Variants in TAFA2 observed in about 807,000 individuals in gnomAD.
TAFA2 encodes the protein TAFA chemokine like family member 2, also known as chemokine-like protein TAFA-2.
In TAFA2, 7 loss-of-function variants were observed where a neutral mutation model predicts 18.8. That is an observed-to-expected ratio of 0.37 (90% CI 0.21 to 0.70). TAFA2 has a LOEUF of 0.70. Ranked by LOEUF, TAFA2 falls within the 30% of genes least tolerant of loss-of-function variation. The pLI, the probability that TAFA2 is intolerant of heterozygous loss-of-function variation, is 0.53. For missense variants in TAFA2, 122 were observed against 158.1 expected, an observed-to-expected ratio of 0.77 and a Z score of 1.23; for synonymous variants, 60 against 54.2, an observed-to-expected ratio of 1.11 and a Z score of -0.47.
chr12:61,795,850 A>G (rs1326210006), intron 2 of TAFA2, among the ~76,000 whole-genome samples: 1 of 152,038 alleles, frequency 6.6e-6, no homozygotes, highest in African/African-American at 2.4e-5. Flanking sequence ...TACTGACATG[A>G]AGATAGATAA....
rs1592554899 is a variant in TAFA2 at position 62,021,586 on chromosome 12, T to C, written c.-1-154160A>G. On this transcript the variant is annotated intron_variant, in intron 1 of 4. Transcript: ENST00000416284. ...ACCCTGTTACGCTGTGGGGACTGGC[T>C]GGGTGACGGCAGGCGGTTCTGGCTT... 1.4e-5 allele frequency: 12 copies of C among 885,178 alleles called. No homozygotes were observed. The East Asian group carries it at 2.7e-4, about 20-fold the overall frequency. The allele number at this position is 885,178 out of a possible 1,614,324, so 54.8% of individuals were successfully genotyped here.
intron 4 of TAFA2, among the ~76,000 whole-genome samples, chr12:61,737,765 A>G (rs914447020): frequency 2.6e-5 from 4 of 151,824 alleles, no homozygotes; most frequent in African/African-American, 9.7e-5. Context: ...TTTGCTTAAA[A>G]TTATCATTAT....
intron 1 of TAFA2, among the ~76,000 whole-genome samples, chr12:62,184,607 C>A (rs4763160): frequency 0.037 from 5,566 of 148,964 alleles, 136 homozygotes; most frequent in Non-Finnish European, 0.056. Flanking sequence ...GATCCTCCCC[C>A]CTCTCAGCCT....
chr12:61,933,737 G>A (rs906920467), intron 1 of TAFA2, among the ~76,000 whole-genome samples: 2 of 152,060 alleles, frequency 1.3e-5, no homozygotes, highest in Non-Finnish European at 2.9e-5. Flanking sequence ...TATATCTAAG[G>A]AGCAGCTGTT....
chr12:62,178,126 C>T lies in TAFA2; in HGVS notation c.-2+13133G>A, dbSNP rs1670891771. On this transcript the variant is annotated intron_variant, in intron 1 of 4. Coordinates refer to ENST00000416284, the MANE Select transcript of TAFA2 (RefSeq NM_178539.5). ...ACCAGCCTGGGCAACATAACAAGAC[C>T]CCATCTCTATAAAAAATTGAAAAAT... 2.0e-5 allele frequency among the ~76,000 whole-genome samples: 3 copies of T among 151,908 alleles called. No individual in the cohort carries two copies. The South Asian group carries it at 6.2e-4, about 32-fold the overall frequency.
rs962021251 is a variant in TAFA2, at chr12:61,710,290, T to C, written c.*116A>G. The C allele has an allele frequency of 6.5e-6, 6 of 918,650 alleles. No homozygotes were observed. Among genetic ancestry groups the C allele is most frequent in the East Asian group, 2.4e-5 (1 of 41,040 alleles). The allele number at this position is 918,650 out of a possible 1,614,324, so 56.9% of individuals were successfully genotyped here. A position where few individuals can be genotyped will look rare whatever the true frequency, so the allele number is the denominator to read the frequency against. ...CATGAAATCCCTTGGAAATAGACTA[T>C]TGAGCGCCTCTTTCAAGTGGTATAA... is the stretch of plus-strand genomic sequence containing the variant. On this transcript the variant is annotated 3_prime_UTR_variant, in exon 5 of 5. Coordinates refer to ENST00000416284, the MANE Select transcript of TAFA2 (RefSeq NM_178539.5).
intron 1 of TAFA2, among the ~76,000 whole-genome samples, chr12:62,059,157 G>GTGTGTGTGTGTGTGTGTGTGTGTGTGTA (rs1555186761): frequency 6.6e-6 from 1 of 150,486 alleles, no homozygotes; most frequent in African/African-American, 2.5e-5. Context: ...GTGTGTGTGT[G>GTGTGTGTGTGTGTGTGTGTGTGTGTGTA]TGTGTGTGTG....
intron 2 of TAFA2, among the ~76,000 whole-genome samples, chr12:61,822,816 A>G (rs950219640): frequency 6.6e-6 from 1 of 152,184 alleles, no homozygotes; most frequent in African/African-American, 2.4e-5. Context: ...ATGTATCAAT[A>G]TGTAAATAAG....
intron 1 of TAFA2, among the ~76,000 whole-genome samples, chr12:62,141,923 G>T (rs796675651): frequency 4.3e-4 from 66 of 152,258 alleles, no homozygotes; most frequent in African/African-American, 1.6e-3. Context: ...TCTTCCTATG[G>T]AAATGCATTG....
intron 1 of TAFA2, among the ~76,000 whole-genome samples, chr12:61,978,051 T>C (rs1307846502): frequency 1.3e-5 from 2 of 152,066 alleles, no homozygotes; most frequent in African/African-American, 2.4e-5. Context: ...AGAAGTAGCA[T>C]TGTCCAGGTT....
chr12:61,785,136 A>C (rs1345924909), intron 2 of TAFA2, among the ~76,000 whole-genome samples: 1 of 151,450 alleles, frequency 6.6e-6, no homozygotes, highest in African/African-American at 2.4e-5. Context: ...CCCAGACTCT[A>C]GTATTCTCTG....
At chr12:62,258,708 TC>T in intron 1 of TAFA2, 1 of 327,282 alleles carries the variant, frequency 3.1e-6, no homozygotes, top group South Asian at 2.2e-5. Context: ...ATTTTATGAT[TC>T]AATTAAAGGG....
intron 4 of TAFA2, among the ~76,000 whole-genome samples, chr12:61,747,507 C>T (rs1374514766): frequency 6.8e-6 from 1 of 147,986 alleles, no homozygotes; most frequent in African/African-American, 2.5e-5. Context: ...AAATGTGGCA[C>T]ATATACACCA....
intron 4 of TAFA2, among the ~76,000 whole-genome samples, chr12:61,717,836 G>T (rs1869729220): frequency 6.6e-6 from 1 of 152,056 alleles, no homozygotes; most frequent in Non-Finnish European, 1.5e-5. Context: ...GTTTCTACCT[G>T]CTGGTTCTAG....
chr12:62,209,268 T>A (rs1276102836), intron 1 of TAFA2, among the ~76,000 whole-genome samples: 1 of 152,178 alleles, frequency 6.6e-6, no homozygotes, highest in East Asian at 1.9e-4. Context: ...GCCATTCTCA[T>A]AATAGTGAGT....
intron 1 of TAFA2, among the ~76,000 whole-genome samples, chr12:62,042,428 T>C (rs200368155): frequency 0.05 from 3,696 of 74,204 alleles, 62 homozygotes; most frequent in Middle Eastern, 0.12. Context: ...TGTGTGTGTG[T>C]GCGCGTGTGT....
intron 2 of TAFA2, among the ~76,000 whole-genome samples, chr12:61,769,448 T>TA (rs1028408578): frequency 2.3e-4 from 35 of 151,580 alleles, no homozygotes; most frequent in Middle Eastern, 3.4e-3. Flanking sequence ...ACCATTGCAT[T>TA]AAAAAAAACT....
At chr12:62,078,203 G>A (rs1025525181) in intron 1 of TAFA2, among the ~76,000 whole-genome samples, 1 of 152,028 alleles carries the variant, frequency 6.6e-6, no homozygotes, top group African/African-American at 2.4e-5. Context: ...GCAGAAAGCT[G>A]CCCCCTCCTA....
intron 1 of TAFA2, among the ~76,000 whole-genome samples, chr12:61,885,466 C>T (rs1472328305): frequency 6.6e-6 from 1 of 152,162 alleles, no homozygotes; most frequent in Non-Finnish European, 1.5e-5. Context: ...GAACCCTTGA[C>T]ACCATCTGCT....
Sources: allele counts gnomAD v4.1 joint callset (sites outside exome capture counted in the v4.1 genomes callset), GRCh38; gene constraint gnomAD v4.1.1; transcripts MANE v1.5; gene names NCBI Gene and HGNC (gene_info 2026-07-23, HGNC 2026-07-21).